Variants in ANO6 observed in about 807,000 individuals in gnomAD.
The protein encoded by ANO6 is anoctamin 6, also known as anoctamin-6.
In ANO6, 106 loss-of-function variants were observed where a neutral mutation model predicts 117.5. The ratio of observed to expected loss-of-function variants is 0.90; its 90% CI spans 0.77 to 1.06. The LOEUF (loss-of-function observed/expected upper bound fraction) is 1.06. ANO6 is among the 50% of genes least tolerant of loss of function. The pLI is 0.00. For missense variants in ANO6, 955 were observed against 1,121.1 expected, an observed-to-expected ratio of 0.85 and a Z score of 2.12; for synonymous variants, 367 against 385.1, an observed-to-expected ratio of 0.95 and a Z score of 0.55.
intron 2 of ANO6, among the ~76,000 whole-genome samples, chr12:45,319,520 G>A (rs1364693920): frequency 6.6e-6 from 1 of 152,160 alleles, no homozygotes; most frequent in Non-Finnish European, 1.5e-5. Flanking sequence ...TGGTTTGCCA[G>A]TATTTTATTG....
rs764507274 is a variant in ANO6 at position 45,429,161 on chromosome 12, A to C, written c.2583A>C (p.Lys861Asn). The C allele has an allele frequency of 4.3e-6, 7 of 1,613,922 alleles. No individual in the cohort carries two copies. Among genetic ancestry groups the C allele is most frequent in the Non-Finnish European group, 5.1e-6 (6 of 1,179,922 alleles). Residue 861 changes from lysine (K) to asparagine (N), a missense_variant, in exon 20 of 20, where the codon AAA (lysine) becomes AAC (asparagine). Physicochemically the swap from Lys to Asn is moderately conservative, Grantham distance 94 (BLOSUM62 0). Coordinates refer to ENST00000320560, the MANE Select transcript of ANO6 (RefSeq NM_001025356.3). ...CATATGCAATTCCCGATGTATCAAA[A>C]CGCACAAAGAGCAAGATCCAGAGAG... ...FISYAIPDVS[K>N]RTKSKIQREK...
intron 7 of ANO6, among the ~76,000 whole-genome samples, chr12:45,353,435 G>A (rs1415063583): frequency 6.6e-6 from 1 of 152,164 alleles, no homozygotes; most frequent in East Asian, 1.9e-4. Context: ...ATAACAGAGT[G>A]ATGGGTTCTT....
rs141060814 is a variant in ANO6, at chr12:45,239,226, T to C, written c.70+22835T>C. Among the ~76,000 whole-genome samples, 1,379 of 152,344 alleles carry C rather than the reference T, an allele frequency of 9.1e-3. 10 individuals carry two copies. The highest frequency in any genetic ancestry group is 0.014 in the Non-Finnish European group (965 of 68,030). ...ATTGCCTCAATTTCAGAGCCTGTTA[T>C]TGGTCTATGCAGAGATTCAACTTAT... On this transcript the variant is annotated intron_variant, in intron 1 of 19. Transcript: ENST00000320560.
chr12:45,418,933 C>A (rs1201765497), intron 17 of ANO6, among the ~76,000 whole-genome samples: 1 of 152,190 alleles, frequency 6.6e-6, no homozygotes, highest in African/African-American at 2.4e-5. Flanking sequence ...ACATAGACAT[C>A]TATGTTTATA....
intron 1 of ANO6, among the ~76,000 whole-genome samples, chr12:45,266,354 G>A (rs1339471071): frequency 6.6e-6 from 1 of 151,990 alleles, no homozygotes; most frequent in Non-Finnish European, 1.5e-5. Flanking sequence ...TTTAGCCCTG[G>A]ATTACCATAC....
chr12:45,417,087 T>C (rs1189430625), intron 17 of ANO6, among the ~76,000 whole-genome samples, 183 bp downstream of exon 17: 4 of 152,226 alleles, frequency 2.6e-5, no homozygotes, highest in Admixed American at 1.3e-4. Flanking sequence ...TATATAATTA[T>C]TTTTAACTGT....
rs114256742 is a variant in ANO6 at position 45,254,639 on chromosome 12, C to T, written c.70+38248C>T. ...TTTGGTTGGATTTTTTAAAATTTGGCTAATCAAATGTTTATCACACTTTGG... is the reference window on the plus strand; with the variant it reads ...TTTGGTTGGATTTTTTAAAATTTGGTTAATCAAATGTTTATCACACTTTGG... On this transcript the variant is annotated intron_variant, in intron 1 of 19. Coordinates refer to ENST00000320560, the MANE Select transcript of ANO6 (RefSeq NM_001025356.3). 3.4e-3 allele frequency among the ~76,000 whole-genome samples: 511 copies of T among 152,232 alleles called. 4 individuals are homozygous for T. The highest frequency in any genetic ancestry group is 0.012 in the African/African-American group (490 of 41,542).
At chr12:45,253,483 A>G (rs531402134) in intron 1 of ANO6, among the ~76,000 whole-genome samples, 4 of 152,342 alleles carry the variant, frequency 2.6e-5, no homozygotes, top group African/African-American at 9.6e-5. Context: ...AGGATTTGAA[A>G]TTTTTAAATA....
At chr12:45,372,560 C>A (rs1374624976) in intron 9 of ANO6, among the ~76,000 whole-genome samples, 1 of 144,416 alleles carries the variant, frequency 6.9e-6, no homozygotes, top group Non-Finnish European at 1.5e-5. Flanking sequence ...CAATATTCAA[C>A]ATTCTTAAAG....
At chr12:45,398,555 A>G (rs1445723198) in intron 12 of ANO6, among the ~76,000 whole-genome samples, 1 of 152,220 alleles carries the variant, frequency 6.6e-6, no homozygotes, top group Non-Finnish European at 1.5e-5. Flanking sequence ...GAAAATGGTC[A>G]GTAAAAGTAA....
In ANO6 at chr12:45,390,408, T is replaced by A. The variant is rs1331462153; in HGVS notation, c.1309-13T>A. 3.7e-6 allele frequency: 6 copies of A among 1,610,984 alleles called. No homozygotes were observed. Among genetic ancestry groups the A allele is most frequent in the Non-Finnish European group, 5.1e-6 (6 of 1,177,424 alleles). ...TCCCTTGATTGACTAAACTTTTTTGTTTTTGTAATTAGGAAGAAGAACGCA... is the reference window on the plus strand; with the variant it reads ...TCCCTTGATTGACTAAACTTTTTTGATTTTGTAATTAGGAAGAAGAACGCA... On this transcript the variant is annotated splice_polypyrimidine_tract_variant and intron_variant, in intron 11 of 19. Coordinates refer to ENST00000320560, the MANE Select transcript of ANO6 (RefSeq NM_001025356.3).
In ANO6 at chr12:45,244,400, AT is replaced by A. The variant is rs1240527163; in HGVS notation, c.70+28012del. ...AGCGGTTACTACATAGGGCTTCTCT[AT>A]TTGGGGGGGGGGGGTGGTCTGTGGA... On this transcript the variant is annotated intron_variant, in intron 1 of 19. Coordinates refer to ENST00000320560, the MANE Select transcript of ANO6 (RefSeq NM_001025356.3). Among the ~76,000 whole-genome samples, 8 of 79,120 alleles carry A rather than the reference AT, an allele frequency of 1.0e-4. No homozygotes were observed. In the South Asian group the frequency reaches 2.3e-3, roughly 23 times the overall value. The allele number at this position is 79,120 out of a possible 152,430, so 51.9% of individuals were successfully genotyped here.
At chr12:45,244,998 C>A (rs1565642404) in intron 1 of ANO6, among the ~76,000 whole-genome samples, 1 of 152,146 alleles carries the variant, frequency 6.6e-6, no homozygotes, top group East Asian at 1.9e-4. Context: ...GGAAGGGACC[C>A]CTTAACTTCA....
At chr12:45,374,346 C>G (rs1251159123) in intron 9 of ANO6, among the ~76,000 whole-genome samples, 2 of 82,228 alleles carry the variant, frequency 2.4e-5, no homozygotes, top group African/African-American at 1.0e-4. Flanking sequence ...CTCCCTAACT[C>G]ATTTTATGAG....
At chr12:45,281,516 C>T (rs555088604) in intron 1 of ANO6, among the ~76,000 whole-genome samples, 124 of 152,288 alleles carry the variant, frequency 8.1e-4, no homozygotes, top group African/African-American at 2.8e-3. Flanking sequence ...CAGCATGTCC[C>T]ATAGCGAGAG....
chr12:45,229,132 G>A (rs977399553), intron 1 of ANO6, among the ~76,000 whole-genome samples: 12 of 152,102 alleles, frequency 7.9e-5, no homozygotes, highest in African/African-American at 2.9e-4. Context: ...TAGATTATAA[G>A]TACTTATGGA....
intron 3 of ANO6, among the ~76,000 whole-genome samples, chr12:45,340,428 A>G (rs1329817692): frequency 6.6e-6 from 1 of 152,174 alleles, no homozygotes; most frequent in Non-Finnish European, 1.5e-5. Flanking sequence ...GTTAAAAAAT[A>G]AAATGTGGTT....
chr12:45,418,477 G>A (rs372579885), intron 17 of ANO6, among the ~76,000 whole-genome samples: 132 of 152,286 alleles, frequency 8.7e-4, no homozygotes, highest in Admixed American at 3.1e-3. Flanking sequence ...ATGACAGCAC[G>A]TTCAATATGC....
At chr12:45,272,029 T>C (rs1441563423) in intron 1 of ANO6, among the ~76,000 whole-genome samples, 1 of 152,194 alleles carries the variant, frequency 6.6e-6, no homozygotes, top group Non-Finnish European at 1.5e-5. Flanking sequence ...ATGGAAAATC[T>C]TCCTAAAACA....
Sources: gnomAD v4.1 joint callset for allele counts (sites outside exome capture counted in the v4.1 genomes callset) on GRCh38, gnomAD v4.1.1 for gene constraint, MANE v1.5 for transcripts, NCBI Gene and HGNC (gene_info 2026-07-23, HGNC 2026-07-21) for gene names.